The following SOX5 variants were observed in gnomAD, a reference collection of about 807,000 sequenced individuals.
SOX5 encodes SRY-box transcription factor 5, also known as transcription factor SOX-5.
In SOX5, 9 loss-of-function variants were observed where a neutral mutation model predicts 92.0. That is an observed-to-expected ratio of 0.10 (90% CI 0.06 to 0.17). The LOEUF (loss-of-function observed/expected upper bound fraction) is 0.17, where lower values mean the gene tolerates loss of function less well. Ranked by LOEUF, SOX5 falls within the 10% of genes least tolerant of loss-of-function variation. SOX5 has a pLI of 1.00. For synonymous variants in SOX5, 344 were observed against 336.3 expected (o/e 1.02, Z -0.25); for missense variants, 642 against 944.5 (o/e 0.68, Z 4.20).
At position 23,703,019 on chromosome 12, in the gene SOX5, C is replaced by A. The variant is rs570877391; in HGVS notation, c.810+31665G>T. On this transcript the variant is annotated intron_variant, in intron 6 of 14. Transcript: ENST00000451604. ...TCTTGTAAAGAGAACAAGATGGGCC[C>A]ATATTAAAACTTTTAATGACTTTAG... Among the ~76,000 whole-genome samples the A allele has an allele frequency of 2.9e-3, 439 of 152,004 alleles. 2 individuals are homozygous for A. Among genetic ancestry groups the A allele is most frequent in the African/African-American group, 7.0e-3 (291 of 41,502 alleles).
chr12:24,266,841 T>A (rs1943084596), intron 3 of SOX5, among the ~76,000 whole-genome samples: 1 of 152,208 alleles, frequency 6.6e-6, no homozygotes. Context: ...GCTTTTTCAT[T>A]TATGTGATCA....
intron 2 of SOX5, among the ~76,000 whole-genome samples, chr12:24,309,786 A>G (rs1948991429): frequency 6.6e-6 from 1 of 152,222 alleles, no homozygotes; most frequent in African/African-American, 2.4e-5. Context: ...AAACCGTGAT[A>G]GGAAAAGAGA....
chr12:24,004,280 T>A (rs1951912770), intron 4 of SOX5, among the ~76,000 whole-genome samples: 1 of 133,772 alleles, frequency 7.5e-6, no homozygotes, highest in Middle Eastern at 3.4e-3. Flanking sequence ...TAAACTGAAT[T>A]ATATCAAAAT....
chr12:23,718,925 T>C (rs983300837), intron 6 of SOX5, among the ~76,000 whole-genome samples: 3 of 152,110 alleles, frequency 2.0e-5, no homozygotes, highest in Non-Finnish European at 4.4e-5. Flanking sequence ...AATATAAAAT[T>C]CTAGGGATTT....
chr12:23,981,179 T>C (rs1949537886), intron 4 of SOX5, among the ~76,000 whole-genome samples: 1 of 152,078 alleles, frequency 6.6e-6, no homozygotes, highest in Admixed American at 6.6e-5. Context: ...TTCCACAAGC[T>C]ACATACCTCC....
rs114571417 is a variant in SOX5, at chr12:24,468,140, C to T, written c.-251+94189G>A. 3.4e-3 allele frequency among the ~76,000 whole-genome samples: 518 copies of T among 152,224 alleles called. 2 individuals are homozygous for T. The highest frequency in any genetic ancestry group is 0.012 in the African/African-American group (486 of 41,554). On this transcript the variant is annotated intron_variant, in intron 1 of 4. Transcript: ENST00000446891. ...GGACTTGGTGACTGATTAGATGGAG[C>T]GGGTGAAAGGCACAAAACATCATGG...
chr12:24,151,251 T>G (rs1374325680), intron 4 of SOX5, among the ~76,000 whole-genome samples: 1 of 152,106 alleles, frequency 6.6e-6, no homozygotes, highest in Non-Finnish European at 1.5e-5. Context: ...GAGGGCAACA[T>G]TTTAACTTAC....
chr12:23,732,419 A>G (rs76255645), intron 6 of SOX5, among the ~76,000 whole-genome samples: 1 of 152,136 alleles, frequency 6.6e-6, no homozygotes, highest in Admixed American at 6.5e-5. Context: ...CAAATTAACA[A>G]TTGACAAAAT....
intron 4 of SOX5, among the ~76,000 whole-genome samples, chr12:24,196,140 C>T (rs1163604074): frequency 6.6e-6 from 1 of 152,268 alleles, no homozygotes; most frequent in East Asian, 1.9e-4. Context: ...CTGCATCAGC[C>T]TCCCAAAGTG....
chr12:23,553,994 G>C (rs558133565), intron 11 of SOX5, among the ~76,000 whole-genome samples: 3 of 152,036 alleles, frequency 2.0e-5, no homozygotes, highest in Non-Finnish European at 4.4e-5. Context: ...GTCATGGCTT[G>C]GTTCAGAAAT....
intron 4 of SOX5, among the ~76,000 whole-genome samples, chr12:24,179,214 C>T (rs990965084): frequency 3.3e-5 from 5 of 152,096 alleles, no homozygotes; most frequent in African/African-American, 9.7e-5. Context: ...AAAACCAAAA[C>T]GCAAAAGAAC....
intron 3 of SOX5, among the ~76,000 whole-genome samples, chr12:23,785,107 T>C (rs796518286): frequency 4.3e-4 from 65 of 152,264 alleles, no homozygotes; most frequent in African/African-American, 1.5e-3. Flanking sequence ...AAATCATCTA[T>C]TTAATCAACA....
chr12:23,641,860 A>G (rs1218430650), intron 7 of SOX5, among the ~76,000 whole-genome samples: 1 of 152,254 alleles, frequency 6.6e-6, no homozygotes, highest in Admixed American at 6.5e-5. Context: ...AATGTGTTGA[A>G]TATTGCACGC....
At chr12:24,171,134 ATCTATTTTTT>A (rs1245180238) in intron 4 of SOX5, among the ~76,000 whole-genome samples, 3 of 51,930 alleles carry the variant, frequency 5.8e-5, no homozygotes, top group Admixed American at 2.5e-4. Context: ...TGCTCCCAAG[ATCTATTTTTT>A]TTTTTTTTTT....
chr12:24,228,330 C>A (rs193031330), intron 3 of SOX5, among the ~76,000 whole-genome samples: 1 of 152,290 alleles, frequency 6.6e-6, no homozygotes, highest in Admixed American at 6.5e-5. Flanking sequence ...AAAAAAATAT[C>A]TGGTTTCTCT....
chr12:24,478,777 G>C (rs1945659004), intron 1 of SOX5, among the ~76,000 whole-genome samples: 1 of 152,054 alleles, frequency 6.6e-6, no homozygotes, highest in East Asian at 1.9e-4. Flanking sequence ...TCTCACACTA[G>C]CTCAGGACCT....
intron 4 of SOX5, among the ~76,000 whole-genome samples, chr12:24,188,676 CAG>C (rs1464618253): frequency 6.6e-6 from 1 of 152,114 alleles, no homozygotes; most frequent in African/African-American, 2.4e-5. Context: ...GGCCAAAGCA[CAG>C]AGTCTTAAAC....
intron 7 of SOX5, among the ~76,000 whole-genome samples, chr12:23,663,234 T>C (rs1165441785): frequency 6.6e-6 from 1 of 152,226 alleles, no homozygotes; most frequent in Non-Finnish European, 1.5e-5. Flanking sequence ...TGCCAGCAGC[T>C]GTAAAGGCTT....
At chr12:23,809,050 A>G (rs2095830568) in intron 3 of SOX5, among the ~76,000 whole-genome samples, 1 of 152,188 alleles carries the variant, frequency 6.6e-6, no homozygotes, top group Non-Finnish European at 1.5e-5. Flanking sequence ...TAGAGAACAG[A>G]CATCATGTAA....
Sources: gnomAD v4.1 joint callset for allele counts (sites outside exome capture counted in the v4.1 genomes callset) on GRCh38, gnomAD v4.1.1 for gene constraint, MANE v1.5 for transcripts, NCBI Gene and HGNC (gene_info 2026-07-23, HGNC 2026-07-21) for gene names.